PPP1CC: variants seen among roughly 807,000 people sequenced by gnomAD.
The protein encoded by PPP1CC is serine/threonine-protein phosphatase PP1-gamma catalytic subunit.
PPP1CC carries 16 observed loss-of-function variants against 38.4 expected under a neutral mutation model. The ratio of observed to expected loss-of-function variants is 0.42; its 90% CI spans 0.28 to 0.63. The LOEUF is 0.63. Ranked by LOEUF, PPP1CC falls within the 30% of genes least tolerant of loss-of-function variation. The pLI is 0.25. For missense variants in PPP1CC, 170 were observed against 391.3 expected (o/e 0.43, Z 4.77); for synonymous variants, 158 against 136.0 (o/e 1.16, Z -1.13).
chr12:110,724,289 C>T (rs1368572733), intron 4 of PPP1CC, among the ~76,000 whole-genome samples: 1 of 151,762 alleles, frequency 6.6e-6, no homozygotes, highest in African/African-American at 2.4e-5. Flanking sequence ...AAGCCGGGCA[C>T]AGTGGCTTAC....
chr12:110,717,726 T>C (rs11065706), downstream of PPP1CC, among the ~76,000 whole-genome samples: 27,943 of 152,124 alleles, frequency 0.18, 3,055 homozygotes, highest in Admixed American at 0.29. Flanking sequence ...TTTTCTTTAA[T>C]GTCTTCTATA....
chr12:110,715,695 T>G (rs1566078495), downstream of PPP1CC, among the ~76,000 whole-genome samples: 1 of 152,120 alleles, frequency 6.6e-6, no homozygotes, highest in Non-Finnish European at 1.5e-5. Context: ...CTCAGCTCAC[T>G]GCAACCTCTG....
At chr12:110,730,443 C>G in intron 3 of PPP1CC, 86 bp downstream of exon 3, 1 of 1,098,798 alleles carries the variant, frequency 9.1e-7, no homozygotes, top group Non-Finnish European at 1.3e-6. Context: ...TAAACTCTCA[C>G]AATTCCTAAC....
In PPP1CC at chr12:110,720,268, T is replaced by TA; in HGVS notation, c.*807_*808insT. Reference sequence around the variant, plus strand: ...TTGTATAAAATGTTATTACCTTTTATCGTTAGTAGCTTAAACAGCACTATA... The same window carrying TA: ...TTGTATAAAATGTTATTACCTTTTATACGTTAGTAGCTTAAACAGCACTATA... On this transcript the variant is annotated 3_prime_UTR_variant, in exon 7 of 7. Coordinates refer to ENST00000335007, the MANE Select transcript of PPP1CC (RefSeq NM_002710.4). The TA allele has an allele frequency of 7.2e-7, 1 of 1,389,822 alleles. No homozygotes were observed. The highest frequency in any genetic ancestry group is 1.3e-5 in the South Asian group (1 of 79,922). 86.1% of individuals were successfully genotyped at this position (1,389,822 alleles called of 1,614,324 possible).
At chr12:110,741,498 T>C (rs987576736) in intron 1 of PPP1CC, among the ~76,000 whole-genome samples, 8 of 152,232 alleles carry the variant, frequency 5.3e-5, no homozygotes, top group African/African-American at 1.4e-4. Context: ...TCCGTTGACA[T>C]GCCCTTGAAT....
At chr12:110,719,242 C>A (rs988622715), downstream of PPP1CC, among the ~76,000 whole-genome samples, 4 of 151,960 alleles carry the variant, frequency 2.6e-5, no homozygotes, top group African/African-American at 9.7e-5. Context: ...TAATGAGGTC[C>A]CCCTTCCCTC....
At chr12:110,717,889 G>C (rs2069700118), downstream of PPP1CC, among the ~76,000 whole-genome samples, 1 of 152,132 alleles carries the variant, frequency 6.6e-6, no homozygotes, top group South Asian at 2.1e-4. Flanking sequence ...ATAAACCTAA[G>C]ATTTTTCATG....
At chr12:110,715,973 G>T (rs960369809), downstream of PPP1CC, among the ~76,000 whole-genome samples, 1 of 152,158 alleles carries the variant, frequency 6.6e-6, no homozygotes, top group Admixed American at 6.6e-5. Flanking sequence ...TGCGGTATCT[G>T]CATGTTTGTA....
Position 110,730,635 on chromosome 12 carries a change from G to A in PPP1CC, c.312C>T (p.Ile104=). Reference sequence around the variant, plus strand: ...TTATTTTGTAGGCCAGTAAGAGGCAGATCGTCTCCAATGACTGCTTTCCCC... The same window carrying A: ...TTATTTTGTAGGCCAGTAAGAGGCAAATCGTCTCCAATGACTGCTTTCCCC... ...VDRGKQSLET[I]CLLLAYKIKY... is the part of the protein sequence containing the mutation. Residue 104 remains isoleucine, a synonymous_variant, in exon 3 of 7, where the codon ATC becomes ATT. Transcript: ENST00000335007. 3 of 1,614,172 alleles carry A rather than the reference G, an allele frequency of 1.9e-6. No homozygotes were observed. The highest frequency in any genetic ancestry group is 1.7e-6 in the Non-Finnish European group (2 of 1,180,016).
downstream of PPP1CC, among the ~76,000 whole-genome samples, chr12:110,719,019 A>C (rs1327552211): frequency 6.6e-6 from 1 of 152,116 alleles, no homozygotes; most frequent in Non-Finnish European, 1.5e-5. Flanking sequence ...TCCAATAATG[A>C]TATAATCCTA....
the PPP1CC span, among the ~76,000 whole-genome samples, chr12:110,712,653 AAAAAAAAAAAAAAG>A: frequency 6.7e-6 from 1 of 149,570 alleles, no homozygotes; most frequent in African/African-American, 2.5e-5. Context: ...AAAAAAAAAA[AAAAAAAAAAAAAAG>A]GGGGGGCACT....
the PPP1CC span, among the ~76,000 whole-genome samples, chr12:110,713,865 A>G: frequency 6.6e-6 from 1 of 152,200 alleles, no homozygotes; most frequent in Admixed American, 6.5e-5. Flanking sequence ...TGGGAGGCCA[A>G]TGCAGGCGCA....
Position 110,742,879 on chromosome 12 carries a change from G to C in PPP1CC, c.-172C>G, listed in dbSNP as rs982018119. ...CTACTTCCTCCTTCTCTCCCCACTG[G>C]AACCACGAGAAGAACAAAATGGCCG... On this transcript the variant is annotated 5_prime_UTR_variant, in exon 1 of 7. Coordinates refer to ENST00000335007, the MANE Select transcript of PPP1CC (RefSeq NM_002710.4). 2.1e-5 allele frequency: 9 copies of C among 429,010 alleles called. No individual in the cohort carries two copies. The highest frequency in any genetic ancestry group is 1.8e-4 in the African/African-American group (9 of 48,840). 26.6% of individuals were successfully genotyped at this position (429,010 alleles called of 1,614,324 possible).
chr12:110,714,322 A>T, the PPP1CC span, among the ~76,000 whole-genome samples: 2 of 152,072 alleles, frequency 1.3e-5, no homozygotes, highest in African/African-American at 2.4e-5. Flanking sequence ...GAACAGTGAG[A>T]GGAACATGGG....
intron 1 of PPP1CC, among the ~76,000 whole-genome samples, chr12:110,738,642 T>C (rs1447544524): frequency 1.3e-5 from 2 of 152,186 alleles, no homozygotes; most frequent in African/African-American, 4.8e-5. Context: ...CAACTGCATG[T>C]CCATTTGCCC....
chr12:110,710,674 C>T, the PPP1CC span, among the ~76,000 whole-genome samples: 2 of 132,184 alleles, frequency 1.5e-5, no homozygotes, highest in African/African-American at 5.9e-5. Flanking sequence ...GCGGAGATTG[C>T]ACCACTGCAC....
At chr12:110,708,847 T>A in the PPP1CC span, among the ~76,000 whole-genome samples, 14 of 119,920 alleles carry the variant, frequency 1.2e-4, no homozygotes, top group African/African-American at 4.4e-4. Flanking sequence ...CGAGAGTCCA[T>A]CTCAAAAAAA....
At chr12:110,728,397 C>CAAAAAAAAAAA (rs1234259790) in intron 3 of PPP1CC, among the ~76,000 whole-genome samples, 5 of 78,664 alleles carry the variant, frequency 6.4e-5, no homozygotes, top group African/African-American at 1.5e-4. Flanking sequence ...GACTCCGTCT[C>CAAAAAAAAAAA]AAAAAAAAAA....
At chr12:110,715,851 C>T (rs1326263258), downstream of PPP1CC, among the ~76,000 whole-genome samples, 1 of 150,798 alleles carries the variant, frequency 6.6e-6, no homozygotes, top group Non-Finnish European at 1.5e-5. Context: ...GAACTCCTGA[C>T]CTCAGGTGAT....
Sources: gnomAD v4.1 joint callset for allele counts (sites outside exome capture counted in the v4.1 genomes callset) on GRCh38, gnomAD v4.1.1 for gene constraint, MANE v1.5 for transcripts, NCBI Gene and HGNC (gene_info 2026-07-23, HGNC 2026-07-21) for gene names.